WDR7: variants seen among roughly 807,000 people sequenced by gnomAD.
WDR7 encodes the protein WD repeat domain 7.
Under a neutral mutation model 169.4 loss-of-function variants are expected in WDR7, and 46 were observed. That is an observed-to-expected ratio of 0.27 (90% CI 0.21 to 0.35). The LOEUF is 0.35. Among genes scored for constraint, WDR7 ranks in the 10% least tolerant of loss-of-function variants. WDR7 has a pLI of 1.00. For missense variants in WDR7, 1,534 were observed against 1,859.3 expected, an observed-to-expected ratio of 0.83 and a Z score of 3.22; for synonymous variants, 612 against 666.8, an observed-to-expected ratio of 0.92 and a Z score of 1.27.
At chr18:56,780,319 AGG>A (rs1238187571) in intron 18 of WDR7, among the ~76,000 whole-genome samples, 7 of 152,206 alleles carry the variant, frequency 4.6e-5, no homozygotes, top group Non-Finnish European at 1.0e-4. Context: ...TATATTATCC[AGG>A]ATTCTTAATT....
intron 19 of WDR7, among the ~76,000 whole-genome samples, chr18:56,782,719 G>A (rs12456035): frequency 0.073 from 11,092 of 152,044 alleles, 482 homozygotes; most frequent in Middle Eastern, 0.15. Context: ...ATACAAGAAG[G>A]AAAATGAAAA....
At chr18:57,013,046 C>G (rs2048158881) in intron 26 of WDR7, among the ~76,000 whole-genome samples, 3 of 152,220 alleles carry the variant, frequency 2.0e-5, no homozygotes, top group Admixed American at 2.0e-4. Flanking sequence ...ACCTTTTTGG[C>G]AGCAGGGACC....
intron 16 of WDR7, among the ~76,000 whole-genome samples, chr18:56,763,017 G>C (rs1251354304): frequency 6.6e-6 from 1 of 151,718 alleles, no homozygotes; most frequent in East Asian, 1.9e-4. Context: ...CTGGAGTGCA[G>C]TGGCGCGATC....
intron 26 of WDR7, chr18:57,010,131 G>A (rs1371736208): frequency 4.1e-6 from 4 of 985,332 alleles, no homozygotes; most frequent in Non-Finnish European, 4.8e-6. Flanking sequence ...AGCAGGAGGG[G>A]AGGGATTTAT....
At chr18:56,811,432 G>A (rs779368977) in intron 19 of WDR7, among the ~76,000 whole-genome samples, 13 of 152,020 alleles carry the variant, frequency 8.6e-5, no homozygotes, top group African/African-American at 1.7e-4. Flanking sequence ...CTTTTCTCTC[G>A]TTTTGGAGCT....
intron 26 of WDR7, among the ~76,000 whole-genome samples, chr18:56,986,166 G>A (rs2047716332): frequency 1.4e-5 from 2 of 143,244 alleles, no homozygotes; most frequent in Admixed American, 7.0e-5. Flanking sequence ...GTGTGTGTGT[G>A]TGTGTGTGTG....
chr18:57,004,561 CCT>C (rs1261110985), intron 26 of WDR7, among the ~76,000 whole-genome samples: 1 of 152,018 alleles, frequency 6.6e-6, no homozygotes, highest in African/African-American at 2.4e-5. Flanking sequence ...AACTTTAGGA[CCT>C]CTCATTTGAT....
At chr18:56,990,165 C>T (rs532805391) in intron 26 of WDR7, among the ~76,000 whole-genome samples, 1 of 152,300 alleles carries the variant, frequency 6.6e-6, no homozygotes, top group African/African-American at 2.4e-5. Context: ...CCAAAGGGCA[C>T]AGAGCTGAAG....
At position 56,672,566 on chromosome 18, in the gene WDR7, G is replaced by T. The variant is rs749728680; in HGVS notation, c.51G>T (p.Ala17=). ...VLPIVLWGRK[A]PTHCISAVLL... ...CCATTGTTCTTTGGGGTCGAAAAGCGCCCACACATTGCATCTCAGCCGTAC... is the reference window on the plus strand; with the variant it reads ...CCATTGTTCTTTGGGGTCGAAAAGCTCCCACACATTGCATCTCAGCCGTAC... The change falls in exon 2 of 28, where the codon GCG becomes GCT. Residue 17 remains alanine, a synonymous_variant. Coordinates refer to ENST00000254442, the MANE Select transcript of WDR7 (RefSeq NM_015285.3). 1.6e-5 allele frequency: 25 copies of T among 1,612,490 alleles called. No homozygotes were observed. The African/African-American group carries it at 3.1e-4, about 20-fold the overall frequency.
intron 26 of WDR7, among the ~76,000 whole-genome samples, chr18:57,009,165 T>C (rs2048105095): frequency 6.6e-6 from 1 of 152,258 alleles, no homozygotes; most frequent in South Asian, 2.1e-4. Context: ...ATGATTTTAA[T>C]AGAAAAATGT....
chr18:56,885,248 A>G (rs1017958553), intron 21 of WDR7, among the ~76,000 whole-genome samples: 4 of 152,178 alleles, frequency 2.6e-5, no homozygotes, highest in Non-Finnish European at 5.9e-5. Flanking sequence ...CCAAAAGATC[A>G]TACTAGCTCA....
At chr18:56,912,952 G>T (rs1438731540) in intron 21 of WDR7, among the ~76,000 whole-genome samples, 1 of 151,034 alleles carries the variant, frequency 6.6e-6, no homozygotes, top group African/African-American at 2.4e-5. Context: ...ATAGCTCACT[G>T]CAGCCTTTAC....
At chr18:56,985,654 G>C (rs2047704682) in intron 26 of WDR7, among the ~76,000 whole-genome samples, 1 of 151,824 alleles carries the variant, frequency 6.6e-6, no homozygotes, top group South Asian at 2.1e-4. Flanking sequence ...GGGTCTCCTT[G>C]AGCATGTATT....
chr18:56,710,638 A>C (rs1243502008), intron 12 of WDR7, among the ~76,000 whole-genome samples: 4 of 152,178 alleles, frequency 2.6e-5, no homozygotes, highest in Non-Finnish European at 1.5e-5. Flanking sequence ...AAAGTATCAG[A>C]ACCTCAGAAA....
In WDR7 at chr18:56,691,294, G is replaced by A. The variant is rs759312541; in HGVS notation, c.796G>A (p.Val266Ile). Residue 266 changes from valine (V) to isoleucine (I), a missense_variant, in exon 8 of 28, where the codon GTC (valine) becomes ATC (isoleucine). Physicochemically the swap from Val to Ile is conservative, Grantham distance 29. Coordinates refer to ENST00000254442, the MANE Select transcript of WDR7 (RefSeq NM_015285.3). ...ACAGACATGGACCGGGGGGGACTTTGTCTCATCAGATAAAGTCATCATTTG... is the reference window on the plus strand; with the variant it reads ...ACAGACATGGACCGGGGGGGACTTTATCTCATCAGATAAAGTCATCATTTG... Reference protein sequence around the residue: ...NGQTWTGGDFVSSDKVIIWTE... With the variant: ...NGQTWTGGDFISSDKVIIWTE... The A allele has an allele frequency of 1.9e-6, 3 of 1,608,040 alleles. No homozygotes were observed. The Admixed American group carries it at 5.2e-5, about 28-fold the overall frequency.
intron 13 of WDR7, 102 bp from the exon 14 acceptor site, chr18:56,731,281 A>G: frequency 7.3e-7 from 1 of 1,363,118 alleles, no homozygotes; most frequent in Non-Finnish European, 9.8e-7. Context: ...CATTGATAAA[A>G]CATGTTTCTA....
chr18:56,782,911 T>G (rs181387014), intron 19 of WDR7, among the ~76,000 whole-genome samples: 1 of 152,194 alleles, frequency 6.6e-6, no homozygotes, highest in Non-Finnish European at 1.5e-5. Context: ...AGGGTTATTA[T>G]GTGTGTGGCA....
At chr18:56,784,190 G>T (rs1422048264) in intron 19 of WDR7, among the ~76,000 whole-genome samples, 1 of 152,058 alleles carries the variant, frequency 6.6e-6, no homozygotes, top group African/African-American at 2.4e-5. Context: ...TTTTCTGAAG[G>T]TCCCTCAGTT....
intron 20 of WDR7, among the ~76,000 whole-genome samples, chr18:56,879,629 T>C (rs2046076510): frequency 6.6e-6 from 1 of 152,178 alleles, no homozygotes; most frequent in Non-Finnish European, 1.5e-5. Flanking sequence ...TTACTGGTGC[T>C]TTTGGTATCA....
Sources: allele counts gnomAD v4.1 joint callset (sites outside exome capture counted in the v4.1 genomes callset), GRCh38; gene constraint gnomAD v4.1.1; transcripts MANE v1.5; gene names NCBI Gene and HGNC (gene_info 2026-07-23, HGNC 2026-07-21).